The following ANKS1B variants were observed in gnomAD, a reference collection of about 807,000 sequenced individuals.
ANKS1B encodes ankyrin repeat and sterile alpha motif domain containing 1B.
In ANKS1B, 36 loss-of-function variants were observed where a neutral mutation model predicts 148.3. The ratio of observed to expected loss-of-function variants is 0.24; its 90% CI spans 0.19 to 0.32. The LOEUF (loss-of-function observed/expected upper bound fraction) is 0.32. Ranked by LOEUF, ANKS1B falls within the 10% of genes least tolerant of loss-of-function variation. The pLI is 1.00. For missense variants in ANKS1B, 1,157 were observed against 1,542.6 expected (o/e 0.75, Z 4.19); for synonymous variants, 542 against 560.8 (o/e 0.97, Z 0.47).
intron 1 of ANKS1B, among the ~76,000 whole-genome samples, chr12:99,950,371 G>A (rs1452552386): frequency 6.6e-6 from 1 of 151,798 alleles, no homozygotes; most frequent in Admixed American, 6.6e-5. Context: ...TAGTAACTGA[G>A]ACTTTGGCTT....
intron 9 of ANKS1B, among the ~76,000 whole-genome samples, chr12:99,505,793 A>T (rs2096705713): frequency 6.6e-6 from 1 of 151,874 alleles, no homozygotes; most frequent in South Asian, 2.1e-4. Flanking sequence ...TTTGCTACAG[A>T]TCCTCCTCAG....
At chr12:99,618,126 C>T (rs558152049) in intron 9 of ANKS1B, among the ~76,000 whole-genome samples, 29 of 152,216 alleles carry the variant, frequency 1.9e-4, no homozygotes, top group African/African-American at 7.0e-4. Flanking sequence ...GATGGCTGAC[C>T]CCTTCCTGTC....
intron 1 of ANKS1B, among the ~76,000 whole-genome samples, chr12:99,979,005 T>C (rs968450223): frequency 2.0e-5 from 3 of 152,128 alleles, no homozygotes; most frequent in Non-Finnish European, 4.4e-5. Context: ...AAAAAATTAA[T>C]TAAATATACA....
chr12:99,716,355 G>A (rs1188249667), intron 8 of ANKS1B, among the ~76,000 whole-genome samples: 1 of 151,620 alleles, frequency 6.6e-6, no homozygotes, highest in African/African-American at 2.4e-5. Context: ...CACTTTTCTG[G>A]AGGGTAAGAA....
At chr12:99,030,565 C>T (rs995674568) in intron 17 of ANKS1B, among the ~76,000 whole-genome samples, 15 of 151,902 alleles carry the variant, frequency 9.9e-5, no homozygotes, top group Admixed American at 2.0e-4. Context: ...GTACCATATA[C>T]CTCCTCCAGT....
chr12:98,945,501 C>CAAAAAAAAAA, intron 17 of ANKS1B, among the ~76,000 whole-genome samples: 1 of 1,314 alleles, frequency 7.6e-4, no homozygotes, highest in Non-Finnish European at 1.5e-3. Context: ...TCTCAACAAA[C>CAAAAAAAAAA]AAACAAAAAA....
At chr12:99,650,192 A>G (rs1013148469) in intron 9 of ANKS1B, 1 of 152,190 alleles carries the variant, frequency 6.6e-6, no homozygotes, top group African/African-American at 2.4e-5. Flanking sequence ...GACAGAATAA[A>G]ATGTTGAAGA....
intron 17 of ANKS1B, among the ~76,000 whole-genome samples, chr12:98,969,864 T>C (rs10507103): frequency 0.14 from 21,827 of 152,260 alleles, 1,736 homozygotes; most frequent in Middle Eastern, 0.18. Context: ...GCTCATTCTA[T>C]CTAACTACAT....
intron 12 of ANKS1B, among the ~76,000 whole-genome samples, chr12:99,271,826 G>A (rs1238945353): frequency 1.3e-5 from 2 of 151,684 alleles, no homozygotes; most frequent in African/African-American, 2.4e-5. Flanking sequence ...GTGAAGGAAG[G>A]ATTGGGTAAT....
intron 1 of ANKS1B, among the ~76,000 whole-genome samples, chr12:99,951,981 C>T (rs915712856): frequency 2.6e-5 from 4 of 151,950 alleles, no homozygotes; most frequent in East Asian, 1.9e-4. Context: ...ATTGTATACA[C>T]GTATCAAAAT....
chr12:99,101,630 C>T (rs1313345209), intron 15 of ANKS1B, among the ~76,000 whole-genome samples: 2 of 152,208 alleles, frequency 1.3e-5, no homozygotes, highest in East Asian at 3.9e-4. Context: ...GGCATGATCT[C>T]GGCTCACTGC....
At chr12:99,186,576 G>A (rs1033915932) in intron 14 of ANKS1B, among the ~76,000 whole-genome samples, 3 of 152,328 alleles carry the variant, frequency 2.0e-5, no homozygotes, top group African/African-American at 7.2e-5. Flanking sequence ...TGCAGCCTCT[G>A]CCGCTGATAC....
chr12:99,724,885 A>T (rs902913866), intron 8 of ANKS1B, among the ~76,000 whole-genome samples: 2 of 152,204 alleles, frequency 1.3e-5, no homozygotes, highest in Non-Finnish European at 2.9e-5. Flanking sequence ...TTCAACTCAG[A>T]ATTTCATATC....
chr12:99,416,057 T>C (rs1246676826), intron 11 of ANKS1B, among the ~76,000 whole-genome samples: 7 of 152,182 alleles, frequency 4.6e-5, no homozygotes, highest in Admixed American at 1.3e-4. Flanking sequence ...ACTACCGATC[T>C]GTTATCCAGT....
intron 15 of ANKS1B, among the ~76,000 whole-genome samples, chr12:99,145,647 A>G (rs1303714966): frequency 6.6e-6 from 1 of 152,112 alleles, no homozygotes; most frequent in East Asian, 1.9e-4. Flanking sequence ...AAAGTCTCTC[A>G]AAGGACCAGA....
At chr12:99,788,863 G>A (rs2065296567) in intron 4 of ANKS1B, among the ~76,000 whole-genome samples, 1 of 152,138 alleles carries the variant, frequency 6.6e-6, no homozygotes, top group African/African-American at 2.4e-5. Context: ...GTGGCCACAG[G>A]GAGAGTCTCC....
chr12:99,605,301 T>A (rs1327867592), intron 9 of ANKS1B, among the ~76,000 whole-genome samples: 4 of 152,076 alleles, frequency 2.6e-5, no homozygotes, highest in Non-Finnish European at 4.4e-5. Context: ...ATATACATTA[T>A]CCTCAGATAC....
At chr12:99,186,451 C>G (rs543673065) in intron 14 of ANKS1B, among the ~76,000 whole-genome samples, 2 of 152,274 alleles carry the variant, frequency 1.3e-5, no homozygotes, top group African/African-American at 4.8e-5. Context: ...TGAGAGATAC[C>G]TCCCAGCAGG....
chr12:98,795,309 A>G (rs1266231283), intron 22 of ANKS1B, among the ~76,000 whole-genome samples: 3 of 152,238 alleles, frequency 2.0e-5, no homozygotes, highest in African/African-American at 4.8e-5. Context: ...CTTCATTTGC[A>G]TCTTAGAAGA....
Sources: gnomAD v4.1 joint callset for allele counts (sites outside exome capture counted in the v4.1 genomes callset) on GRCh38, gnomAD v4.1.1 for gene constraint, MANE v1.5 for transcripts, NCBI Gene and HGNC (gene_info 2026-07-23, HGNC 2026-07-21) for gene names.